LRRC27: variants seen among roughly 807,000 people sequenced by gnomAD.
LRRC27 encodes leucine-rich repeat-containing protein 27.
In LRRC27, 57 loss-of-function variants were observed where a neutral mutation model predicts 55.0. That is an observed-to-expected ratio of 1.04 (90% CI 0.84 to 1.29). The LOEUF (loss-of-function observed/expected upper bound fraction) is 1.29, where lower values mean the gene tolerates loss of function less well. Among genes scored for constraint, LRRC27 ranks in the 50% most tolerant of loss-of-function variants. The pLI is 0.00. For synonymous variants in LRRC27, 278 were observed against 251.9 expected, an observed-to-expected ratio of 1.10 and a Z score of -0.98; for missense variants, 721 against 651.5, an observed-to-expected ratio of 1.11 and a Z score of -1.16.
chr10:132,330,252 C>G (rs922477678), upstream of LRRC27: 34 of 561,744 alleles, frequency 6.1e-5, no homozygotes, highest in Middle Eastern at 3.9e-4. Flanking sequence ...AAACAAAAAC[C>G]TGAGGCAACA....
At chr10:132,361,826 A>G (rs1196576625) in intron 9 of LRRC27, among the ~76,000 whole-genome samples, 1 of 151,890 alleles carries the variant, frequency 6.6e-6, no homozygotes, top group Non-Finnish European at 1.5e-5. Context: ...CAGGATACAG[A>G]GTGCTCCCGA....
intron 2 of LRRC27, among the ~76,000 whole-genome samples, chr10:132,334,597 G>A (rs1176597473): frequency 1.3e-5 from 2 of 152,164 alleles, no homozygotes; most frequent in Non-Finnish European, 2.9e-5. Context: ...TTTAGTGGCT[G>A]CTTAAGTTAT....
intron 10 of LRRC27, chr10:132,366,715 C>A: frequency 1.7e-6 from 1 of 588,570 alleles, no homozygotes; most frequent in African/African-American, 2.0e-5. Flanking sequence ...CAGGCTGGTG[C>A]GAGCTGCATC....
At chr10:132,356,062 G>A (rs1364785086) in intron 8 of LRRC27, among the ~76,000 whole-genome samples, 176 bp downstream of exon 8, 1 of 150,702 alleles carries the variant, frequency 6.6e-6, no homozygotes, top group Non-Finnish European at 1.5e-5. Context: ...TGCCTGTGCA[G>A]GCTGCTGGCT....
At chr10:132,345,559 T>G (rs1234566387) in intron 5 of LRRC27, among the ~76,000 whole-genome samples, 1 of 152,248 alleles carries the variant, frequency 6.6e-6, no homozygotes, top group Admixed American at 6.5e-5. Flanking sequence ...GCCGCCTGGC[T>G]GTGGCACCCT....
intron 10 of LRRC27, among the ~76,000 whole-genome samples, chr10:132,369,933 G>A (rs1339938575): frequency 2.0e-5 from 3 of 152,290 alleles, no homozygotes; most frequent in Non-Finnish European, 4.4e-5. Flanking sequence ...GAAGGACACT[G>A]TGGCGGTTGG....
At chr10:132,333,405 C>T (rs989152644) in intron 1 of LRRC27, 72 bp from the exon 2 acceptor site, 1 of 586,016 alleles carries the variant, frequency 1.7e-6, no homozygotes, top group Non-Finnish European at 2.7e-6. Flanking sequence ...TACAGTAGAT[C>T]TGCCACACAG....
intron 9 of LRRC27, among the ~76,000 whole-genome samples, chr10:132,364,365 G>GCTTACACCCACA (rs1342823730): frequency 8.4e-4 from 2 of 2,390 alleles, no homozygotes; most frequent in African/African-American, 2.3e-3. Context: ...CCACACCCGC[G>GCTTACACCCACA]CTTACACCCA....
At chr10:132,341,479 C>G (rs1247605712) in intron 3 of LRRC27, among the ~76,000 whole-genome samples, 1 of 152,130 alleles carries the variant, frequency 6.6e-6, no homozygotes, top group Non-Finnish European at 1.5e-5. Context: ...ATAGATTTTT[C>G]CATCATTCAA....
intron 9 of LRRC27, among the ~76,000 whole-genome samples, chr10:132,364,339 C>T (rs2068807403): frequency 1.2e-4 from 2 of 16,048 alleles, no homozygotes; most frequent in South Asian, 2.6e-3. Context: ...TGACCACACC[C>T]ACACTTAATC....
At position 132,365,687 on chromosome 10, in the gene LRRC27, C is replaced by T. The variant is rs191725164; in HGVS notation, c.1416+137C>T. 9 of 1,083,008 alleles carry T rather than the reference C, an allele frequency of 8.3e-6. 1 individual carries two copies. Among genetic ancestry groups the T allele is most frequent in the African/African-American group, 6.4e-5 (4 of 62,598 alleles). The allele number at this position is 1,083,008 out of a possible 1,614,324, so 67.1% of individuals were successfully genotyped here. A position where few individuals can be genotyped will look rare whatever the true frequency, so the allele number is the denominator to read the frequency against. ...CACAATCTCGGCTCCCTGCAGCCTCCACCTCCCAGGTTCAAGCGATTCTCC... is the reference window on the plus strand; with the variant it reads ...CACAATCTCGGCTCCCTGCAGCCTCTACCTCCCAGGTTCAAGCGATTCTCC... On this transcript the variant is annotated intron_variant, in intron 10 of 10. Transcript: ENST00000368614.
Position 132,333,470 on chromosome 10 carries a change from T to C in LRRC27, c.-48-7T>C. The C allele has an allele frequency of 7.2e-7, 1 of 1,387,550 alleles. No homozygotes were observed. Among genetic ancestry groups the C allele is most frequent in the South Asian group, 1.5e-5 (1 of 67,948 alleles). The allele number at this position is 1,387,550 out of a possible 1,614,324, so 86.0% of individuals were successfully genotyped here. The stretch of plus-strand genomic sequence containing the variant: ...TGCTTCTACGTTTCCCTTTCCCGTG[T>C]CTCCAGGTGACTCCAGACCAAGGAG... On this transcript the variant is annotated splice_polypyrimidine_tract_variant and splice_region_variant and intron_variant, in intron 1 of 10. Transcript: ENST00000368614.
chr10:132,340,238 A>G (rs961242891), intron 3 of LRRC27, among the ~76,000 whole-genome samples: 3 of 152,262 alleles, frequency 2.0e-5, no homozygotes, highest in African/African-American at 7.2e-5. Context: ...ATAGTATTTA[A>G]GGAATTAACA....
intron 6 of LRRC27, chr10:132,351,144 G>C (rs956402196): frequency 5.0e-5 from 8 of 161,578 alleles, no homozygotes; most frequent in Non-Finnish European, 1.1e-4. Flanking sequence ...ATCACCCAGC[G>C]ATGGGATTCC....
chr10:132,373,555 C>T (rs2069266576), intron 10 of LRRC27, among the ~76,000 whole-genome samples: 2 of 152,180 alleles, frequency 1.3e-5, no homozygotes, highest in South Asian at 2.1e-4. Flanking sequence ...TCGGTACTCC[C>T]ATTGCAAGGT....
upstream of LRRC27, chr10:132,331,881 ACCACCCCCTG>A (rs774644219): frequency 1.7e-6 from 2 of 1,170,612 alleles, no homozygotes; most frequent in South Asian, 1.5e-5. Flanking sequence ...GCGCAGGCGC[ACCACCCCCTG>A]CCACCCCCGC....
upstream of LRRC27, chr10:132,331,745 C>T (rs1450210664): frequency 1.9e-6 from 3 of 1,611,656 alleles, no homozygotes; most frequent in African/African-American, 2.7e-5. Flanking sequence ...ATCCCGCTCT[C>T]TTCCTTCCCC....
At chr10:132,339,997 G>A (rs920877841) in intron 3 of LRRC27, among the ~76,000 whole-genome samples, 19 of 152,198 alleles carry the variant, frequency 1.2e-4, no homozygotes, top group African/African-American at 4.3e-4. Flanking sequence ...CAAAGTGATT[G>A]TGGGCTTATT....
intron 3 of LRRC27, among the ~76,000 whole-genome samples, chr10:132,338,378 T>C (rs2067229302): frequency 6.6e-6 from 1 of 152,218 alleles, no homozygotes; most frequent in Non-Finnish European, 1.5e-5. Context: ...GTAACCCACA[T>C]TGGTTCTTGG....
Sources: gnomAD v4.1 joint callset for allele counts (sites outside exome capture counted in the v4.1 genomes callset) on GRCh38, gnomAD v4.1.1 for gene constraint, MANE v1.5 for transcripts, NCBI Gene and HGNC (gene_info 2026-07-23, HGNC 2026-07-21) for gene names.